NUP93: variants seen among roughly 807,000 people sequenced by gnomAD.
NUP93 encodes nuclear pore complex protein Nup93.
NUP93 carries 55 observed loss-of-function variants against 107.8 expected under a neutral mutation model. That is an observed-to-expected ratio of 0.51 (90% CI 0.41 to 0.64). The LOEUF (loss-of-function observed/expected upper bound fraction) is 0.64. Ranked by LOEUF, NUP93 falls within the 30% of genes least tolerant of loss-of-function variation. NUP93 has a pLI of 0.00. For missense variants in NUP93, 937 were observed against 1,044.7 expected (o/e 0.90, Z 1.42); for synonymous variants, 390 against 397.5 (o/e 0.98, Z 0.22).
At chr16:56,788,669 C>T (rs374870028) in intron 3 of NUP93, among the ~76,000 whole-genome samples, 3 of 152,210 alleles carry the variant, frequency 2.0e-5, no homozygotes, top group East Asian at 1.9e-4. Context: ...ACTGGCTTTG[C>T]AGTAGTAGCA....
At chr16:56,742,342 A>C (rs149810015) in intron 1 of NUP93, among the ~76,000 whole-genome samples, 12 of 152,356 alleles carry the variant, frequency 7.9e-5, no homozygotes, top group African/African-American at 2.9e-4. Context: ...GAGTTGGCAA[A>C]CTATGGCCTA....
At chr16:56,830,836 G>A (rs1296193379) in intron 10 of NUP93, 151 bp downstream of exon 10, 1 of 646,038 alleles carries the variant, frequency 1.5e-6, no homozygotes, top group Non-Finnish European at 2.4e-6. Context: ...GAACTCTCTT[G>A]GGAATAAGGA....
intron 3 of NUP93, among the ~76,000 whole-genome samples, chr16:56,778,043 C>G (rs1300198318): frequency 6.6e-6 from 1 of 152,122 alleles, no homozygotes; most frequent in Non-Finnish European, 1.5e-5. Flanking sequence ...TGTCTTCTAC[C>G]TATAGAGCCA....
chr16:56,734,845 C>T (rs1186646711), intron 1 of NUP93, among the ~76,000 whole-genome samples: 4 of 152,160 alleles, frequency 2.6e-5, no homozygotes, highest in African/African-American at 7.2e-5. Flanking sequence ...TGGGGAAGGT[C>T]CAAGTCTTTG....
chr16:56,749,383 C>T (rs894076189), intron 2 of NUP93, among the ~76,000 whole-genome samples: 1 of 152,132 alleles, frequency 6.6e-6, no homozygotes, highest in Non-Finnish European at 1.5e-5. Context: ...ACACAGCTGG[C>T]GAGTGGTAAA....
chr16:56,735,989 C>T, intron 1 of NUP93, among the ~76,000 whole-genome samples: 1 of 152,052 alleles, frequency 6.6e-6, no homozygotes, highest in East Asian at 1.9e-4. Context: ...GGGATGAAAG[C>T]AATAGTTAGA....
chr16:56,736,680 T>C (rs867248965), intron 1 of NUP93, among the ~76,000 whole-genome samples: 2 of 152,190 alleles, frequency 1.3e-5, no homozygotes, highest in East Asian at 1.9e-4. Flanking sequence ...GTGACAGTTA[T>C]GTGCTTGAGA....
chr16:56,739,743 C>T (rs1179536485), intron 1 of NUP93, among the ~76,000 whole-genome samples: 2 of 127,168 alleles, frequency 1.6e-5, no homozygotes, highest in African/African-American at 3.1e-5. Flanking sequence ...ACCTCCCTCC[C>T]GGACGGGGCG....
At chr16:56,777,955 T>C (rs187933810) in intron 3 of NUP93, among the ~76,000 whole-genome samples, 1 of 152,354 alleles carries the variant, frequency 6.6e-6, no homozygotes, top group East Asian at 1.9e-4. Flanking sequence ...GAAGTGGTTT[T>C]GTTCAGTGCC....
intron 1 of NUP93, among the ~76,000 whole-genome samples, chr16:56,743,135 T>C (rs1961766491): frequency 6.6e-6 from 1 of 152,156 alleles, no homozygotes; most frequent in Non-Finnish European, 1.5e-5. Context: ...AACATAGTTA[T>C]TATATTCAGA....
At chr16:56,810,146 T>C (rs1393431055) in intron 5 of NUP93, among the ~76,000 whole-genome samples, 1 of 152,248 alleles carries the variant, frequency 6.6e-6, no homozygotes, top group Non-Finnish European at 1.5e-5. Context: ...AAGGGAGTTA[T>C]CTATGCTTTT....
Position 56,844,626 on chromosome 16 carries a change from G to C in NUP93, c.*17G>C, listed in dbSNP as rs1291062537. ...ATGAATTAAGTGCCATGCTTTGTGG[G>C]AGTCTGGGTCGGCACACTGTCAGTA... On this transcript the variant is annotated 3_prime_UTR_variant, in exon 22 of 22. Coordinates refer to ENST00000308159, the MANE Select transcript of NUP93 (RefSeq NM_014669.5). 6.4e-7 allele frequency: 1 copy of C among 1,563,884 alleles called. No individual in the cohort carries two copies. Among genetic ancestry groups the C allele is most frequent in the African/African-American group, 1.4e-5 (1 of 73,120 alleles).
Position 56,830,529 on chromosome 16 carries a change from A to C in NUP93, c.929A>C (p.Asp310Ala), listed in dbSNP as rs1963759446. 4.5e-6 allele frequency: 7 copies of C among 1,571,684 alleles called. No homozygotes were observed. In the East Asian group the frequency reaches 1.4e-4, roughly 31 times the overall value. Residue 310 changes from aspartate to alanine, a missense_variant and splice_region_variant, in exon 10 of 22, where the codon GAT (aspartate) becomes GCT (alanine). Coordinates refer to ENST00000308159, the MANE Select transcript of NUP93 (RefSeq NM_014669.5). ...KLPAPLPGLQ[D>A]GEVEGHPVWA... is the part of the protein sequence containing the mutation. ...AGCACTTAACTGTTCCTCTTTTAGGATGGAGAGGTGGAAGGCCATCCTGTG... is the reference window on the plus strand; with the variant it reads ...AGCACTTAACTGTTCCTCTTTTAGGCTGGAGAGGTGGAAGGCCATCCTGTG...
chr16:56,831,345 A>G (rs559757911), intron 10 of NUP93, among the ~76,000 whole-genome samples: 11 of 152,346 alleles, frequency 7.2e-5, no homozygotes, highest in African/African-American at 2.6e-4. Context: ...TACTAATGTC[A>G]TATCAAGAGA....
chr16:56,808,154 AAT>A (rs1963194897), intron 5 of NUP93, among the ~76,000 whole-genome samples: 4 of 90,204 alleles, frequency 4.4e-5, no homozygotes, highest in Non-Finnish European at 6.9e-5. Flanking sequence ...AACTATATAT[AAT>A]ATATAGTTAT....
intron 5 of NUP93, among the ~76,000 whole-genome samples, chr16:56,812,363 AGACAGAG>A (rs1400599844): frequency 6.7e-6 from 1 of 150,338 alleles, no homozygotes; most frequent in African/African-American, 2.4e-5. Context: ...TCTTTTTTTG[AGACAGAG>A]TCTCGCTCTA....
intron 6 of NUP93, 147 bp from the exon 7 acceptor site, chr16:56,821,357 C>G (rs546639161): frequency 1.8e-6 from 1 of 555,918 alleles, no homozygotes; most frequent in East Asian, 3.2e-5. Context: ...CCCAACGCAA[C>G]TGGGGAGCTG....
intron 5 of NUP93, among the ~76,000 whole-genome samples, chr16:56,809,530 C>T (rs992898973): frequency 2.6e-5 from 4 of 151,862 alleles, no homozygotes; most frequent in Non-Finnish European, 5.9e-5. Flanking sequence ...TTTTTTCCCC[C>T]GAAGTTGTTT....
chr16:56,810,149 A>C (rs762603151), intron 5 of NUP93, among the ~76,000 whole-genome samples: 1 of 152,210 alleles, frequency 6.6e-6, no homozygotes, highest in Non-Finnish European at 1.5e-5. Flanking sequence ...GGAGTTATCT[A>C]TGCTTTTCCT....
Sources: gnomAD v4.1 joint callset for allele counts (sites outside exome capture counted in the v4.1 genomes callset) on GRCh38, gnomAD v4.1.1 for gene constraint, MANE v1.5 for transcripts, NCBI Gene and HGNC (gene_info 2026-07-23, HGNC 2026-07-21) for gene names.